Variants in AAMDC observed in about 807,000 individuals in gnomAD.
The protein encoded by AAMDC is mth938 domain-containing protein.
Under a neutral mutation model 15.5 loss-of-function variants are expected in AAMDC, and 16 were observed. That is an observed-to-expected ratio of 1.03 (90% CI 0.70 to 1.57). The LOEUF is 1.57. AAMDC is among the 40% of genes most tolerant of loss of function. The probability of loss-of-function intolerance (pLI) is 0.00; values close to 1 mark genes in which losing one functional copy is unlikely to be tolerated. For synonymous variants in AAMDC, 51 were observed against 51.6 expected (o/e 0.99, Z 0.05); for missense variants, 141 against 144.9 (o/e 0.97, Z 0.14).
intron 1 of AAMDC, among the ~76,000 whole-genome samples, chr11:77,834,106 T>C (rs1317047884): frequency 8.5e-5 from 13 of 152,360 alleles, no homozygotes; most frequent in Non-Finnish European, 5.9e-5. Context: ...TTAAATCTTA[T>C]AATCCTAGAC....
downstream of AAMDC, among the ~76,000 whole-genome samples, chr11:77,904,586 TG>T (rs1334417500): frequency 2.6e-4 from 40 of 152,340 alleles, no homozygotes; most frequent in Middle Eastern, 0.01. Context: ...AAGAGTCCCA[TG>T]TATCTGGTGG....
intron 2 of AAMDC, among the ~76,000 whole-genome samples, chr11:77,854,371 C>A (rs890643365): frequency 6.6e-6 from 1 of 152,150 alleles, no homozygotes; most frequent in Non-Finnish European, 1.5e-5. Context: ...AGGCAAGTCT[C>A]TTCTGCCTAT....
chr11:77,835,899 C>T (rs893806187), intron 1 of AAMDC, among the ~76,000 whole-genome samples: 11 of 151,690 alleles, frequency 7.3e-5, no homozygotes, highest in Admixed American at 2.0e-4. Flanking sequence ...CAGAGTGAGA[C>T]TCTGTGTCAA....
chr11:77,849,038 CTTTT>C (rs200734294), intron 2 of AAMDC, among the ~76,000 whole-genome samples: 1 of 140,140 alleles, frequency 7.1e-6, no homozygotes, highest in Admixed American at 7.2e-5. Flanking sequence ...AGTGGTGCTC[CTTTT>C]TTTTTTTTTT....
chr11:77,893,429 G>C (rs1449746613), intron 5 of AAMDC, among the ~76,000 whole-genome samples: 1 of 151,890 alleles, frequency 6.6e-6, no homozygotes, highest in Non-Finnish European at 1.5e-5. Context: ...AACACAGCAA[G>C]ACCCCATCTC....
At chr11:77,895,568 A>G (rs565276810) in intron 5 of AAMDC, among the ~76,000 whole-genome samples, 1 of 148,054 alleles carries the variant, frequency 6.8e-6, no homozygotes, top group Non-Finnish European at 1.5e-5. Flanking sequence ...GTAGCACTTG[A>G]AAGTTTTTAA....
intron 1 of AAMDC, among the ~76,000 whole-genome samples, chr11:77,832,384 T>C (rs1252384044): frequency 6.6e-6 from 1 of 151,828 alleles, no homozygotes; most frequent in Non-Finnish European, 1.5e-5. Flanking sequence ...TGGAGTGCAA[T>C]GGTGTGATCT....
chr11:77,883,781 T>C (rs769107140), intron 5 of AAMDC: 1 of 1,595,428 alleles, frequency 6.3e-7, no homozygotes, highest in Middle Eastern at 1.7e-4. Context: ...TAAGGGTAGG[T>C]GTGATCTCCA....
At chr11:77,875,682 T>C (rs1240018819), downstream of AAMDC, among the ~76,000 whole-genome samples, 3 of 152,136 alleles carry the variant, frequency 2.0e-5, no homozygotes, top group East Asian at 3.8e-4. Context: ...TACTATACTA[T>C]GTGTGAAGAA....
chr11:77,846,790 G>A (rs2136164930), intron 2 of AAMDC, among the ~76,000 whole-genome samples: 1 of 152,270 alleles, frequency 6.6e-6, no homozygotes, highest in Non-Finnish European at 1.5e-5. Flanking sequence ...GTCTGAAAAG[G>A]TCCTTGTTTT....
rs1367877551 is a variant in AAMDC, at chr11:77,837,597, G to A, written c.-18-4882G>A. 1.5e-4 allele frequency among the ~76,000 whole-genome samples: 22 copies of A among 151,320 alleles called. No homozygotes were observed. The East Asian group carries it at 2.5e-3, about 17-fold the overall frequency. On this transcript the variant is annotated intron_variant, in intron 1 of 3. Coordinates refer to ENST00000393427, the MANE Select transcript of AAMDC (RefSeq NM_024684.4). ...ACTACAGGTGTGCATCACTACGCCCGGCTAATTTTTGTATTTTTAGTAGAG... is the reference window on the plus strand; with the variant it reads ...ACTACAGGTGTGCATCACTACGCCCAGCTAATTTTTGTATTTTTAGTAGAG...
At chr11:77,895,082 G>C (rs368421854) in intron 5 of AAMDC, among the ~76,000 whole-genome samples, 19 of 152,214 alleles carry the variant, frequency 1.2e-4, no homozygotes, top group South Asian at 6.2e-4. Context: ...TCTCTATCTT[G>C]AATTACTTGG....
intron 2 of AAMDC, among the ~76,000 whole-genome samples, chr11:77,859,579 G>A (rs889212840): frequency 1.3e-5 from 2 of 152,124 alleles, no homozygotes; most frequent in Non-Finnish European, 2.9e-5. Flanking sequence ...TCTGCCAGCT[G>A]AGCACTAGTT....
intron 3 of AAMDC, 160 bp from the exon 4 acceptor site, chr11:77,872,015 T>C (rs546479262): frequency 3.3e-4 from 193 of 593,492 alleles, no homozygotes; most frequent in African/African-American, 3.1e-3. Context: ...TTTTGACTCA[T>C]TGGGGCTCAC....
intron 5 of AAMDC, among the ~76,000 whole-genome samples, chr11:77,896,451 A>G (rs1952522336): frequency 6.6e-6 from 1 of 152,190 alleles, no homozygotes. Context: ...CAGAAGTTCA[A>G]GACCAGCCTG....
chr11:77,842,765 C>T (rs1388721602), intron 2 of AAMDC, 137 bp downstream of exon 2: 2 of 1,229,524 alleles, frequency 1.6e-6, no homozygotes, highest in Admixed American at 2.8e-5. Context: ...TAAATTCACC[C>T]TTTTAAAGTA....
chr11:77,861,891 G>GT (rs1387629608), intron 2 of AAMDC, among the ~76,000 whole-genome samples: 4 of 152,226 alleles, frequency 2.6e-5, no homozygotes, highest in East Asian at 1.9e-4. Flanking sequence ...GTTTTTTGAA[G>GT]TTTTTTCTAA....
downstream of AAMDC, among the ~76,000 whole-genome samples, chr11:77,873,488 T>C (rs1007079247): frequency 5.9e-5 from 9 of 152,240 alleles, no homozygotes; most frequent in Non-Finnish European, 1.2e-4. Context: ...ATCTCACTCA[T>C]TTATTCAGTA....
chr11:77,895,248 T>C (rs1028281252), intron 5 of AAMDC, among the ~76,000 whole-genome samples: 21 of 152,266 alleles, frequency 1.4e-4, no homozygotes, highest in African/African-American at 4.3e-4. Context: ...AATTTCCCAC[T>C]TGTTTTCTTT....
Sources: allele counts gnomAD v4.1 joint callset (sites outside exome capture counted in the v4.1 genomes callset), GRCh38; gene constraint gnomAD v4.1.1; transcripts MANE v1.5; gene names NCBI Gene and HGNC (gene_info 2026-07-23, HGNC 2026-07-21).